Variants in ZNF469 observed in about 807,000 individuals in gnomAD.
The protein encoded by ZNF469 is zinc finger protein 469.
ZNF469 carries 1 observed loss-of-function variant against 1.0 expected under a neutral mutation model. The ratio of observed to expected loss-of-function variants is 1.00; its 90% CI spans 0.35 to 4.73. The LOEUF is 4.73. Ranked by LOEUF, ZNF469 falls within the 30% of genes most tolerant of loss-of-function variation. ZNF469 has a pLI of 0.16. For missense variants in ZNF469, 6,100 were observed against 5,356.3 expected, an observed-to-expected ratio of 1.14 and a Z score of -4.33; for synonymous variants, 2,703 against 2,363.4, an observed-to-expected ratio of 1.14 and a Z score of -4.17.
chr16:88,380,601 ACT>A (rs1567495519), upstream of ZNF469, among the ~76,000 whole-genome samples: 1 of 147,608 alleles, frequency 6.8e-6, no homozygotes, highest in African/African-American at 2.5e-5. Context: ...ACACACATGC[ACT>A]CACACACGCA....
intron 1 of ZNF469, among the ~76,000 whole-genome samples, chr16:88,391,591 G>A (rs1014110677): frequency 3.3e-5 from 5 of 152,254 alleles, no homozygotes; most frequent in African/African-American, 9.6e-5. Flanking sequence ...CCTCGGGATC[G>A]GGAGCCTCTG....
At chr16:88,300,452 A>T in the ZNF469 span, among the ~76,000 whole-genome samples, 2 of 151,832 alleles carry the variant, frequency 1.3e-5, no homozygotes, top group Non-Finnish European at 2.9e-5. Context: ...TGACGGGTGC[A>T]GCATCCCCCA....
chr16:88,305,736 G>C, the ZNF469 span, among the ~76,000 whole-genome samples: 6 of 152,110 alleles, frequency 3.9e-5, no homozygotes, highest in Non-Finnish European at 7.4e-5. Context: ...ACTCATGCCT[G>C]CATGCTCATA....
At chr16:88,384,079 G>A (rs1436496725) in intron 1 of ZNF469, among the ~76,000 whole-genome samples, 1 of 152,268 alleles carries the variant, frequency 6.6e-6, no homozygotes, top group African/African-American at 2.4e-5. Context: ...TGCAGCGGAG[G>A]CGGTTAACTG....
chr16:88,253,949 C>G, the ZNF469 span, among the ~76,000 whole-genome samples: 1 of 146,378 alleles, frequency 6.8e-6, no homozygotes, highest in East Asian at 1.9e-4. Flanking sequence ...AATATTTTCT[C>G]CTAGTCTGTA....
the ZNF469 span, among the ~76,000 whole-genome samples, chr16:88,282,490 G>A: frequency 4.5e-4 from 68 of 152,214 alleles, no homozygotes; most frequent in Non-Finnish European, 4.1e-4. Flanking sequence ...TTTGACCCCC[G>A]CTGTGGAGGT....
At chr16:88,353,627 C>T in the ZNF469 span, among the ~76,000 whole-genome samples, 1 of 152,216 alleles carries the variant, frequency 6.6e-6, no homozygotes, top group Admixed American at 6.5e-5. Context: ...AGCATGCGCG[C>T]GTGTCGTGGT....
chr16:88,397,072 G>A (rs1238778753), intron 1 of ZNF469, among the ~76,000 whole-genome samples: 9 of 152,106 alleles, frequency 5.9e-5, no homozygotes, highest in African/African-American at 2.2e-4. Flanking sequence ...CCCTTCTGAA[G>A]GGAGGCCAGG....
chr16:88,149,297 C>T, the ZNF469 span, among the ~76,000 whole-genome samples: 1 of 152,200 alleles, frequency 6.6e-6, no homozygotes, highest in Non-Finnish European at 1.5e-5. Flanking sequence ...CTTCACTCGG[C>T]CAGAGATAAT....
the ZNF469 span, among the ~76,000 whole-genome samples, chr16:88,326,184 G>A: frequency 1.3e-5 from 2 of 152,240 alleles, no homozygotes; most frequent in East Asian, 3.9e-4. Flanking sequence ...GACCCAGTGG[G>A]AGGTAATTGA....
chr16:88,148,042 C>A, the ZNF469 span, among the ~76,000 whole-genome samples: 2 of 151,778 alleles, frequency 1.3e-5, no homozygotes, highest in African/African-American at 2.4e-5. Context: ...CCGGCGGTCA[C>A]CTGTCTTTGC....
the ZNF469 span, among the ~76,000 whole-genome samples, chr16:88,202,623 G>C: frequency 6.6e-6 from 1 of 152,176 alleles, no homozygotes; most frequent in African/African-American, 2.4e-5. Context: ...GAGGCTCTGG[G>C]GTGTAGAATG....
At chr16:88,152,909 G>A in the ZNF469 span, among the ~76,000 whole-genome samples, 5 of 152,206 alleles carry the variant, frequency 3.3e-5, no homozygotes, top group African/African-American at 1.2e-4. This position sits in a 1 kb window ranked among gnomAD's most constrained non-coding sequence, Gnocchi z 4.2. Flanking sequence ...GCAAGTTTCT[G>A]TCAAGGGGAT....
chr16:88,385,138 G>C (rs2092534263), intron 1 of ZNF469, among the ~76,000 whole-genome samples: 1 of 152,104 alleles, frequency 6.6e-6, no homozygotes, highest in African/African-American at 2.4e-5. Context: ...AAATTCAGTG[G>C]GTTTCTGCCC....
chr16:88,428,133 C>G lies in ZNF469; in HGVS notation c.663C>G (p.Pro221=), dbSNP rs370275746. The change falls in exon 3 of 3, where the codon CCC becomes CCG. Residue 221 remains proline, a synonymous_variant. Coordinates refer to ENST00000565624, the MANE Select transcript of ZNF469 (RefSeq NM_001367624.2). ...GCAGGGGCACCAGCCCCCTCCAGCC[C>G]GGTTCCTATCCCGAATACCAGGCCA... ...PQSRGTSPLQ[P]GSYPEYQASG... is the part of the protein sequence containing the mutation. 3.2e-6 allele frequency: 5 copies of G among 1,550,084 alleles called. No homozygotes were observed. Among genetic ancestry groups the G allele is most frequent in the East Asian group, 2.4e-5 (1 of 40,902 alleles).
At chr16:88,115,640 A>T in the ZNF469 span, among the ~76,000 whole-genome samples, 1 of 1,034 alleles carries the variant, frequency 9.7e-4, no homozygotes, top group Non-Finnish European at 2.5e-3. Context: ...AAGGGAAATC[A>T]AGAGGCCCGC....
the ZNF469 span, among the ~76,000 whole-genome samples, chr16:88,215,791 T>G: frequency 3.3e-5 from 5 of 152,206 alleles, no homozygotes; most frequent in Admixed American, 3.3e-4. Context: ...AAACAGGTAC[T>G]TGAAATGTTG....
the ZNF469 span, among the ~76,000 whole-genome samples, chr16:88,204,836 C>G: frequency 6.6e-6 from 1 of 152,188 alleles, no homozygotes; most frequent in South Asian, 2.1e-4. Flanking sequence ...CTCTTGAGAC[C>G]TGGATCCTTC....
chr16:88,396,605 C>CTTCTG (rs1904672112), intron 1 of ZNF469, among the ~76,000 whole-genome samples: 1 of 149,564 alleles, frequency 6.7e-6, no homozygotes, highest in African/African-American at 2.5e-5. Flanking sequence ...GGCGGAGACC[C>CTTCTG]ATCTGAAGGG....
Sources: allele counts gnomAD v4.1 joint callset (sites outside exome capture counted in the v4.1 genomes callset), GRCh38; gene constraint gnomAD v4.1.1; non-coding constraint Gnocchi (gnomAD v3.1); transcripts MANE v1.5; gene names NCBI Gene and HGNC (gene_info 2026-07-23, HGNC 2026-07-21).